ANKS1B: variants seen among roughly 807,000 people sequenced by gnomAD.
The protein encoded by ANKS1B is ankyrin repeat and sterile alpha motif domain containing 1B, also known as ankyrin repeat and sterile alpha motif domain-containing protein 1B.
A neutral mutation model predicts 148.3 loss-of-function variants in ANKS1B; 36 were observed. The ratio of observed to expected loss-of-function variants is 0.24; its 90% CI spans 0.19 to 0.32. The LOEUF (loss-of-function observed/expected upper bound fraction) is 0.32. Among genes scored for constraint, ANKS1B ranks in the 10% least tolerant of loss-of-function variants. The pLI is 1.00. For missense variants in ANKS1B, 1,157 were observed against 1,542.6 expected, an observed-to-expected ratio of 0.75 and a Z score of 4.19; for synonymous variants, 542 against 560.8, an observed-to-expected ratio of 0.97 and a Z score of 0.47.
intron 9 of ANKS1B, among the ~76,000 whole-genome samples, chr12:99,600,386 C>A (rs2097791040): frequency 6.6e-6 from 1 of 151,916 alleles, no homozygotes. Context: ...TCTACAATAC[C>A]ACATCACATA....
intron 1 of ANKS1B, among the ~76,000 whole-genome samples, chr12:99,891,854 T>C (rs1472304551): frequency 6.6e-6 from 1 of 152,176 alleles, no homozygotes. Context: ...TGAAATAATG[T>C]GAGGTCTGTG....
chr12:99,424,712 T>C (rs2095206867), intron 11 of ANKS1B, among the ~76,000 whole-genome samples: 1 of 151,892 alleles, frequency 6.6e-6, no homozygotes, highest in African/African-American at 2.4e-5. Flanking sequence ...TCTATCTGTC[T>C]GTCTGTCTGT....
intron 17 of ANKS1B, among the ~76,000 whole-genome samples, chr12:98,986,200 G>A (rs1248894179): frequency 6.6e-6 from 1 of 151,326 alleles, no homozygotes; most frequent in African/African-American, 2.4e-5. Flanking sequence ...ATGTCAAACA[G>A]TGTTTTTAAA....
At chr12:99,436,349 G>A (rs1217231205) in intron 11 of ANKS1B, among the ~76,000 whole-genome samples, 1 of 151,950 alleles carries the variant, frequency 6.6e-6, no homozygotes, top group Non-Finnish European at 1.5e-5. Flanking sequence ...ATACCTACCT[G>A]ATAGAATTTT....
chr12:99,347,566 G>A (rs1316478921), intron 12 of ANKS1B, among the ~76,000 whole-genome samples: 3 of 151,974 alleles, frequency 2.0e-5, no homozygotes, highest in African/African-American at 4.8e-5. Context: ...GTTTTATCCA[G>A]GCATTTAAGG....
chr12:98,885,762 G>C (rs1189700967), intron 17 of ANKS1B, among the ~76,000 whole-genome samples: 1 of 152,100 alleles, frequency 6.6e-6, no homozygotes, highest in Non-Finnish European at 1.5e-5. Context: ...ATCTAACAAA[G>C]ATTGCATACA....
rs563578499 is a variant in ANKS1B, at chr12:99,463,076, T to C, written c.1439-19267A>G. On this transcript the variant is annotated intron_variant, in intron 10 of 26. Coordinates refer to ENST00000683438, the MANE Select transcript of ANKS1B (RefSeq NM_001352186.2). Reference sequence around the variant, plus strand: ...CAGCAATACAAAATGGAATAACACATGCTTTCACAAATAATTCACACGGTG... The same window carrying C: ...CAGCAATACAAAATGGAATAACACACGCTTTCACAAATAATTCACACGGTG... Among the ~76,000 whole-genome samples the C allele has an allele frequency of 6.1e-4, 93 of 152,316 alleles. 1 individual carries two copies. Among genetic ancestry groups the C allele is most frequent in the Non-Finnish European group, 1.2e-3 (79 of 68,026 alleles).
chr12:99,697,738 C>A (rs1339118297), intron 8 of ANKS1B, among the ~76,000 whole-genome samples: 2 of 152,052 alleles, frequency 1.3e-5, no homozygotes, highest in Admixed American at 6.6e-5. Flanking sequence ...AAACAATGAA[C>A]TTTAGTTAAT....
intron 17 of ANKS1B, among the ~76,000 whole-genome samples, chr12:99,004,745 G>A (rs555509971): frequency 6.6e-6 from 1 of 152,018 alleles, no homozygotes; most frequent in South Asian, 2.1e-4. Context: ...GCCATGTGTG[G>A]TCCAGGCATG....
In ANKS1B at chr12:99,098,813, G is replaced by C. The variant is rs79694440; in HGVS notation, c.2527-13790C>G. Among the ~76,000 whole-genome samples the C allele has an allele frequency of 3.8e-3, 571 of 151,184 alleles. 23 individuals are homozygous for C. In the East Asian group the frequency reaches 0.081, roughly 21 times the overall value. On this transcript the variant is annotated intron_variant, in intron 15 of 26. Transcript: ENST00000683438. Reference sequence around the variant, plus strand: ...TACTTAGCTTTGTGGCCTTGGGAAAGTCACTTGATCTGGCATCCCACAGGG... The same window carrying C: ...TACTTAGCTTTGTGGCCTTGGGAAACTCACTTGATCTGGCATCCCACAGGG...
Position 98,886,664 on chromosome 12 carries a change from T to C in ANKS1B, c.2779-54528A>G, listed in dbSNP as rs144664917. ...CCAACACCTCCACATATCTTAGCTA[T>C]GTTATTAAGCTATGTGGATAAAGAA... On this transcript the variant is annotated intron_variant, in intron 17 of 26. Coordinates refer to ENST00000683438, the MANE Select transcript of ANKS1B (RefSeq NM_001352186.2). Among the ~76,000 whole-genome samples, 18 of 152,272 alleles carry C rather than the reference T, an allele frequency of 1.2e-4. No individual in the cohort carries two copies. The East Asian group carries it at 3.3e-3, about 28-fold the overall frequency.
intron 8 of ANKS1B, among the ~76,000 whole-genome samples, chr12:99,696,791 C>T (rs999511420): frequency 6.6e-6 from 1 of 152,108 alleles, no homozygotes; most frequent in Non-Finnish European, 1.5e-5. Flanking sequence ...AATGAAAGGA[C>T]AAGCCACAGA....
At chr12:98,961,689 G>T (rs1327307932) in intron 17 of ANKS1B, among the ~76,000 whole-genome samples, 1 of 152,034 alleles carries the variant, frequency 6.6e-6, no homozygotes, top group Non-Finnish European at 1.5e-5. Context: ...CACTTCTCAA[G>T]AAATAGACAG....
rs144909034 is a variant in ANKS1B, at chr12:99,926,788, A to G, written c.134+57316T>C. 2.9e-4 allele frequency among the ~76,000 whole-genome samples: 44 copies of G among 152,330 alleles called. No homozygotes were observed. The East Asian group carries it at 4.8e-3, about 17-fold the overall frequency. The stretch of plus-strand genomic sequence containing the variant: ...GCTAAAGCATCCCGCCTAAATAGCT[A>G]CAAATGTTCCAGACCTTTCCCTTTC... On this transcript the variant is annotated intron_variant, in intron 1 of 26. Transcript: ENST00000683438.
At chr12:99,275,001 T>A (rs937330666) in intron 12 of ANKS1B, among the ~76,000 whole-genome samples, 4 of 152,226 alleles carry the variant, frequency 2.6e-5, no homozygotes, top group African/African-American at 4.8e-5. Context: ...AAAATCTACA[T>A]TGCCTCCTAT....
intron 17 of ANKS1B, among the ~76,000 whole-genome samples, chr12:98,973,522 A>T (rs1232743839): frequency 6.6e-6 from 1 of 152,202 alleles, no homozygotes; most frequent in Non-Finnish European, 1.5e-5. Flanking sequence ...ACAGTTTATT[A>T]CGTTTTAAAA....
chr12:99,813,452 G>A (rs1417883548), intron 2 of ANKS1B, among the ~76,000 whole-genome samples: 1 of 151,118 alleles, frequency 6.6e-6, no homozygotes, highest in Non-Finnish European at 1.5e-5. Context: ...AATGGGGAGG[G>A]TGAACATAAC....
chr12:99,393,580 T>C (rs2094147502), intron 12 of ANKS1B, among the ~76,000 whole-genome samples: 1 of 152,222 alleles, frequency 6.6e-6, no homozygotes, highest in Non-Finnish European at 1.5e-5. Context: ...GTTGTACTGA[T>C]TTAATTGCAG....
chr12:99,609,564 C>T (rs1021879800), intron 9 of ANKS1B, among the ~76,000 whole-genome samples: 3 of 151,738 alleles, frequency 2.0e-5, no homozygotes, highest in Non-Finnish European at 4.4e-5. Context: ...AAAAAAATCC[C>T]CTGAGAGCTG....
Sources: gnomAD v4.1 joint callset for allele counts (sites outside exome capture counted in the v4.1 genomes callset) on GRCh38, gnomAD v4.1.1 for gene constraint, MANE v1.5 for transcripts, NCBI Gene and HGNC (gene_info 2026-07-23, HGNC 2026-07-21) for gene names.